The following CPED1 variants were observed in gnomAD, a reference collection of about 807,000 sequenced individuals.
The protein encoded by CPED1 is cadherin-like and PC-esterase domain-containing protein 1.
In CPED1, 114 loss-of-function variants were observed where a neutral mutation model predicts 128.2. The ratio of observed to expected loss-of-function variants is 0.89; its 90% CI spans 0.76 to 1.04. The LOEUF is 1.04. Ranked by LOEUF, CPED1 falls within the 50% of genes least tolerant of loss-of-function variation. The probability of loss-of-function intolerance (pLI) is 0.00; values close to 1 mark genes in which losing one functional copy is unlikely to be tolerated. For missense variants in CPED1, 1,211 were observed against 1,207.1 expected, an observed-to-expected ratio of 1.00 and a Z score of -0.05; for synonymous variants, 462 against 426.7, an observed-to-expected ratio of 1.08 and a Z score of -1.02.
rs926150585 is a variant in CPED1 at position 121,100,007 on chromosome 7, G to A, written c.831G>A (p.Leu277=). 3.1e-6 allele frequency: 5 copies of A among 1,613,150 alleles called. No individual in the cohort carries two copies. Among genetic ancestry groups the A allele is most frequent in the Middle Eastern group, 1.6e-4 (1 of 6,078 alleles). Residue 277 remains leucine (L), a synonymous_variant, in exon 7 of 23, where the codon TTG becomes TTA. Transcript: ENST00000310396. Reference sequence around the variant, plus strand: ...CTGTGATTCTTAAAGCGTATGTGTTGGTGACGTCCTTAACCCCTTTGCGTG... The same window carrying A: ...CTGTGATTCTTAAAGCGTATGTGTTAGTGACGTCCTTAACCCCTTTGCGTG... The part of the protein sequence containing the change: ...DLSVILKAYV[L]VTSLTPLRAF...
intron 22 of CPED1, among the ~76,000 whole-genome samples, chr7:121,286,697 C>T (rs1237105897): frequency 6.6e-6 from 1 of 152,118 alleles, no homozygotes; most frequent in Non-Finnish European, 1.5e-5. Flanking sequence ...CAAGTTATCA[C>T]TGGATGACAT....
At chr7:121,278,512 G>T (rs1358669335) in intron 22 of CPED1, among the ~76,000 whole-genome samples, 1 of 152,142 alleles carries the variant, frequency 6.6e-6, no homozygotes, top group Non-Finnish European at 1.5e-5. Context: ...ATCTTTCAAT[G>T]ACCCTGTGCT....
intron 16 of CPED1, among the ~76,000 whole-genome samples, chr7:121,227,363 C>T (rs763645361): frequency 6.6e-6 from 1 of 152,002 alleles, no homozygotes; most frequent in Non-Finnish European, 1.5e-5. Flanking sequence ...GTGCTAGAAA[C>T]AGAAAGATTG....
intron 22 of CPED1, among the ~76,000 whole-genome samples, chr7:121,277,432 A>C (rs1792350682): frequency 6.6e-6 from 1 of 152,110 alleles, no homozygotes; most frequent in African/African-American, 2.4e-5. Flanking sequence ...TGAAACCATG[A>C]AAATAGATCA....
chr7:121,145,312 C>T (rs1194588083), intron 16 of CPED1, among the ~76,000 whole-genome samples: 1 of 151,912 alleles, frequency 6.6e-6, no homozygotes, highest in African/African-American at 2.4e-5. Flanking sequence ...TAGATTACGT[C>T]AGGAAAATGT....
chr7:121,245,370 G>GTGT (rs1189782930), intron 18 of CPED1, among the ~76,000 whole-genome samples: 3 of 152,038 alleles, frequency 2.0e-5, no homozygotes, highest in African/African-American at 7.2e-5. Context: ...TTATGTTGCA[G>GTGT]TGTTATTAAT....
chr7:121,203,442 C>T (rs1221371470), intron 16 of CPED1, among the ~76,000 whole-genome samples: 1 of 152,148 alleles, frequency 6.6e-6, no homozygotes, highest in Non-Finnish European at 1.5e-5. Flanking sequence ...TCATGTCTTA[C>T]CATCTTTCCC....
intron 16 of CPED1, among the ~76,000 whole-genome samples, chr7:121,195,653 G>C (rs1797255363): frequency 6.6e-6 from 1 of 152,228 alleles, no homozygotes; most frequent in South Asian, 2.1e-4. Context: ...TAACCACTAA[G>C]GGAATAGGGA....
chr7:121,228,988 G>A (rs1798079451), intron 16 of CPED1, among the ~76,000 whole-genome samples: 5 of 152,040 alleles, frequency 3.3e-5, no homozygotes, highest in Admixed American at 3.3e-4. Context: ...GAATGAGTGG[G>A]GGTAAGGAGG....
intron 16 of CPED1, among the ~76,000 whole-genome samples, chr7:121,154,053 T>C (rs1056338988): frequency 6.6e-6 from 1 of 152,236 alleles, no homozygotes; most frequent in East Asian, 1.9e-4. Flanking sequence ...CAGAGAAATA[T>C]AAACAAATGT....
chr7:121,146,710 A>AAT (rs2116386190), intron 16 of CPED1, among the ~76,000 whole-genome samples: 1 of 152,338 alleles, frequency 6.6e-6, no homozygotes, highest in East Asian at 1.9e-4. Context: ...GTACCAACTT[A>AAT]GCCATAATGA....
chr7:121,190,411 AG>A (rs1797109270), intron 16 of CPED1, among the ~76,000 whole-genome samples: 4 of 150,992 alleles, frequency 2.6e-5, no homozygotes, highest in Non-Finnish European at 5.9e-5. Flanking sequence ...AAAAAAAAAA[AG>A]ACTAGATTTT....
intron 22 of CPED1, among the ~76,000 whole-genome samples, chr7:121,290,375 T>G (rs1792671535): frequency 6.6e-6 from 1 of 152,230 alleles, no homozygotes; most frequent in Non-Finnish European, 1.5e-5. Context: ...CCTTGAGGAA[T>G]CACCACACTG....
At chr7:121,011,553 T>A (rs528084743) in intron 2 of CPED1, among the ~76,000 whole-genome samples, 2 of 152,346 alleles carry the variant, frequency 1.3e-5, no homozygotes, top group East Asian at 3.9e-4. Context: ...ATTCAAAGAA[T>A]ATTTATTATG....
At chr7:121,093,106 T>A (rs2116194322) in intron 5 of CPED1, among the ~76,000 whole-genome samples, 1 of 152,224 alleles carries the variant, frequency 6.6e-6, no homozygotes, top group African/African-American at 2.4e-5. Flanking sequence ...GAACACTCAT[T>A]GAGTGATTTC....
intron 20 of CPED1, 44 bp from the exon 21 acceptor site, chr7:121,267,171 G>A: frequency 9.7e-7 from 1 of 1,027,896 alleles, no homozygotes; most frequent in Non-Finnish European, 1.5e-6. Context: ...ATCTAGAAAT[G>A]TAATTAAAGT....
At chr7:121,053,895 C>T (rs1001703769) in intron 4 of CPED1, among the ~76,000 whole-genome samples, 1 of 152,102 alleles carries the variant, frequency 6.6e-6, no homozygotes, top group Non-Finnish European at 1.5e-5. Flanking sequence ...TCAAATTGTT[C>T]CAGCTTTGGT....
rs1459307048 is a variant in CPED1, at chr7:121,015,770, C to G, written c.355C>G (p.Leu119Val). The G allele has an allele frequency of 2.5e-6, 4 of 1,611,856 alleles. No homozygotes were observed. The African/African-American group carries it at 5.3e-5, about 22-fold the overall frequency. The change falls in exon 3 of 23, where the codon CTG becomes GTG. Residue 119 changes from leucine (L) to valine (V), a missense_variant. Physicochemically the swap from Leu to Val is conservative, Grantham distance 32 (BLOSUM62 1). Transcript: ENST00000310396. ...AGAGCTTCAGCTACACCAGCACATT[C>G]TGACTCAACATGGCTATACGGTTGT... The part of the protein sequence containing the change: ...KTELQLHQHI[L>V]TQHGYTVVIA...
Position 121,133,889 on chromosome 7 carries a change from A to G in CPED1, c.1644A>G (p.Lys548=). The G allele has an allele frequency of 6.5e-7, 1 of 1,549,878 alleles. No homozygotes were observed. The highest frequency in any genetic ancestry group is 8.9e-7 in the Non-Finnish European group (1 of 1,129,700). ...PQVPFDAIEN[K]KAAVPQIKNE... is the part of the protein sequence containing the mutation. ...TGCCATTTGATGCAATAGAAAATAA[A>G]AAAGGTAAAAATATAGATATTCCCA... The change falls in exon 13 of 23, where the codon AAA becomes AAG. Residue 548 remains lysine (K), a synonymous_variant. Coordinates refer to ENST00000310396, the MANE Select transcript of CPED1 (RefSeq NM_024913.5).
Sources: allele counts gnomAD v4.1 joint callset (sites outside exome capture counted in the v4.1 genomes callset), GRCh38; gene constraint gnomAD v4.1.1; transcripts MANE v1.5; gene names NCBI Gene and HGNC (gene_info 2026-07-23, HGNC 2026-07-21).